The following CDYL2 variants were observed in gnomAD, a reference collection of about 807,000 sequenced individuals.
CDYL2 encodes chromodomain Y like 2, also known as chromodomain Y-like protein 2.
Under a neutral mutation model 49.4 loss-of-function variants are expected in CDYL2, and 23 were observed. The ratio of observed to expected loss-of-function variants is 0.47; its 90% CI spans 0.34 to 0.66. CDYL2 has a LOEUF of 0.66. Among genes scored for constraint, CDYL2 ranks in the 30% least tolerant of loss-of-function variants. The pLI, the probability that CDYL2 is intolerant of heterozygous loss-of-function variation, is 0.01. For missense variants in CDYL2, 678 were observed against 656.4 expected (o/e 1.03, Z -0.36); for synonymous variants, 360 against 268.8 (o/e 1.34, Z -3.32).
rs954154829 is a variant in CDYL2 at position 80,598,388 on chromosome 16, AC to A, written c.*5999del. ...TGGTAATAAGCCTTACCAATAGAAT[AC>A]CACTTCTTCAGCATCAATCATTTCT... On this transcript the variant is annotated 3_prime_UTR_variant, in exon 7 of 7. Transcript: ENST00000570137. 1 of 152,118 alleles carries A rather than the reference AC, an allele frequency of 6.6e-6. No homozygotes were observed. Among genetic ancestry groups the A allele is most frequent in the Non-Finnish European group, 1.5e-5 (1 of 68,014 alleles). 9.4% of individuals were successfully genotyped at this position (152,118 alleles called of 1,614,324 possible). A position where few individuals can be genotyped will look rare whatever the true frequency, so the allele number is the denominator to read the frequency against.
At position 80,779,936 on chromosome 16, in the gene CDYL2, T is replaced by G. The variant is rs144750898; in HGVS notation, c.24+24214A>C. Among the ~76,000 whole-genome samples the G allele has an allele frequency of 7.9e-3, 1,199 of 152,286 alleles. 17 individuals carry two copies. Among genetic ancestry groups the G allele is most frequent in the African/African-American group, 0.028 (1,159 of 41,576 alleles). Reference sequence around the variant, plus strand: ...GTGAACATGTATCTGCTTTATAATCTGGTTTTTAAAATATACTTATTAAGA... The same window carrying G: ...GTGAACATGTATCTGCTTTATAATCGGGTTTTTAAAATATACTTATTAAGA... On this transcript the variant is annotated intron_variant, in intron 1 of 6. Coordinates refer to ENST00000570137, the MANE Select transcript of CDYL2 (RefSeq NM_152342.4).
At chr16:80,671,338 T>C (rs746059275) in intron 2 of CDYL2, among the ~76,000 whole-genome samples, 2 of 152,180 alleles carry the variant, frequency 1.3e-5, no homozygotes, top group Non-Finnish European at 2.9e-5. Flanking sequence ...TTCTGCCAGT[T>C]CATCAAAAAT....
intron 1 of CDYL2, among the ~76,000 whole-genome samples, chr16:80,800,574 CA>C (rs900562874): frequency 4.7e-5 from 7 of 149,210 alleles, no homozygotes; most frequent in South Asian, 4.3e-4. Flanking sequence ...CGAAAAGATC[CA>C]AAAAAAAATG....
chr16:80,633,759 G>C (rs775434463), intron 2 of CDYL2, among the ~76,000 whole-genome samples: 52 of 152,350 alleles, frequency 3.4e-4, no homozygotes, highest in Middle Eastern at 3.4e-3. Context: ...GATGAGAGGG[G>C]TGAATACCAA....
chr16:80,625,254 T>G (rs1907250978), intron 3 of CDYL2, among the ~76,000 whole-genome samples: 1 of 152,224 alleles, frequency 6.6e-6, no homozygotes, highest in African/African-American at 2.4e-5. Context: ...CTTTTCCAGC[T>G]TATAGAGGCC....
intron 1 of CDYL2, among the ~76,000 whole-genome samples, chr16:80,727,853 C>T (rs533927406): frequency 3.3e-5 from 5 of 152,148 alleles, no homozygotes; most frequent in South Asian, 4.1e-4. Flanking sequence ...ACACCTCACA[C>T]GGCCAGGTAC....
At chr16:80,694,843 G>C (rs1298496562) in intron 1 of CDYL2, among the ~76,000 whole-genome samples, 1 of 152,164 alleles carries the variant, frequency 6.6e-6, no homozygotes, top group African/African-American at 2.4e-5. Context: ...AGATCTGAGA[G>C]TGCTAAAAGG....
intron 1 of CDYL2, among the ~76,000 whole-genome samples, chr16:80,689,632 G>A (rs1037048154): frequency 5.9e-5 from 9 of 152,190 alleles, no homozygotes; most frequent in African/African-American, 1.4e-4. Flanking sequence ...CATTGGAACA[G>A]CAACAAGAGG....
intron 3 of CDYL2, among the ~76,000 whole-genome samples, chr16:80,622,523 T>C (rs766271342): frequency 3.3e-5 from 5 of 152,178 alleles, no homozygotes; most frequent in Admixed American, 1.3e-4. Context: ...CTTGCTCAAC[T>C]GTTATTTTAA....
At chr16:80,717,669 G>T (rs570659213) in intron 1 of CDYL2, among the ~76,000 whole-genome samples, 1 of 152,370 alleles carries the variant, frequency 6.6e-6, no homozygotes, top group East Asian at 1.9e-4. Flanking sequence ...TCTGCTAGGG[G>T]CATGGAGCAG....
chr16:80,785,179 G>C (rs779923622), intron 1 of CDYL2, among the ~76,000 whole-genome samples: 7 of 152,124 alleles, frequency 4.6e-5, no homozygotes, highest in Non-Finnish European at 5.9e-5. Context: ...AATTGTTTCT[G>C]TTTGCAGATG....
chr16:80,688,921 A>G (rs1910304571), intron 1 of CDYL2, among the ~76,000 whole-genome samples: 1 of 152,122 alleles, frequency 6.6e-6, no homozygotes, highest in African/African-American at 2.4e-5. Flanking sequence ...AAAAACAAAC[A>G]AAAAACAGAG....
In CDYL2 at chr16:80,598,129, C is replaced by T. The variant is rs1567532784; in HGVS notation, c.*6259G>A. Reference sequence around the variant, plus strand: ...ACCCAGTCTCAGTAAATATTTACAACATGGTGAGAAGGGGTCAGCTGTACC... The same window carrying T: ...ACCCAGTCTCAGTAAATATTTACAATATGGTGAGAAGGGGTCAGCTGTACC... On this transcript the variant is annotated 3_prime_UTR_variant, in exon 7 of 7. Transcript: ENST00000570137. 1 of 152,160 alleles carries T rather than the reference C, an allele frequency of 6.6e-6. No homozygotes were observed. Among genetic ancestry groups the T allele is most frequent in the African/African-American group, 2.4e-5 (1 of 41,438 alleles). 9.4% of individuals were successfully genotyped at this position (152,160 alleles called of 1,614,324 possible). A position where few individuals can be genotyped will look rare whatever the true frequency, so the allele number is the denominator to read the frequency against.
At chr16:80,701,122 C>T (rs1215082111) in intron 1 of CDYL2, among the ~76,000 whole-genome samples, 1 of 152,110 alleles carries the variant, frequency 6.6e-6, no homozygotes, top group Non-Finnish European at 1.5e-5. Flanking sequence ...AGTATCCATC[C>T]GCATACAACC....
At chr16:80,713,117 G>A (rs770085383) in intron 1 of CDYL2, among the ~76,000 whole-genome samples, 12 of 152,174 alleles carry the variant, frequency 7.9e-5, no homozygotes, top group African/African-American at 2.4e-5. Flanking sequence ...GTTCCTTGAC[G>A]GTATGGCCCA....
chr16:80,610,350 G>A (rs2142362785), intron 5 of CDYL2, among the ~76,000 whole-genome samples: 1 of 152,334 alleles, frequency 6.6e-6, no homozygotes, highest in African/African-American at 2.4e-5. Context: ...GCTGCCTCAA[G>A]AGCATGAGAG....
At chr16:80,702,321 A>G (rs1904306046) in intron 1 of CDYL2, among the ~76,000 whole-genome samples, 1 of 152,184 alleles carries the variant, frequency 6.6e-6, no homozygotes, top group Non-Finnish European at 1.5e-5. Context: ...TCAGAAAAGC[A>G]CGTTCTGCAC....
intron 1 of CDYL2, among the ~76,000 whole-genome samples, chr16:80,736,978 G>A (rs867513891): frequency 1.8e-4 from 27 of 152,322 alleles, no homozygotes; most frequent in Middle Eastern, 6.8e-3. Flanking sequence ...ATCGTATTCA[G>A]ATTTGGGATG....
chr16:80,688,017 T>C (rs1331291966), intron 1 of CDYL2, among the ~76,000 whole-genome samples: 1 of 152,178 alleles, frequency 6.6e-6, no homozygotes, highest in African/African-American at 2.4e-5. Context: ...GATAAGTGCT[T>C]CCATGCATGG....
Sources: gnomAD v4.1 joint callset for allele counts (sites outside exome capture counted in the v4.1 genomes callset) on GRCh38, gnomAD v4.1.1 for gene constraint, MANE v1.5 for transcripts, NCBI Gene and HGNC (gene_info 2026-07-23, HGNC 2026-07-21) for gene names.